HMCN1: variants seen among roughly 807,000 people sequenced by gnomAD.
The protein encoded by HMCN1 is hemicentin-1.
Under a neutral mutation model 625.9 loss-of-function variants are expected in HMCN1, and 321 were observed. That is an observed-to-expected ratio of 0.51 (90% CI 0.47 to 0.56). The LOEUF (loss-of-function observed/expected upper bound fraction) is 0.56. Ranked by LOEUF, HMCN1 falls within the 20% of genes least tolerant of loss-of-function variation. The pLI is 0.00. For synonymous variants in HMCN1, 2,425 were observed against 2,417.6 expected, an observed-to-expected ratio of 1.00 and a Z score of -0.09; for missense variants, 6,588 against 6,887.3, an observed-to-expected ratio of 0.96 and a Z score of 1.54.
chr1:186,003,319 C>T (rs1571697906), intron 28 of HMCN1, among the ~76,000 whole-genome samples: 1 of 152,128 alleles, frequency 6.6e-6, no homozygotes, highest in East Asian at 1.9e-4. Flanking sequence ...TTTCAAGTAG[C>T]ACCACACTAT....
chr1:186,066,057 A>T (rs542930398), intron 49 of HMCN1, among the ~76,000 whole-genome samples: 2 of 152,210 alleles, frequency 1.3e-5, no homozygotes, highest in Non-Finnish European at 2.9e-5. Context: ...GAGTACAAAG[A>T]TACCACCATA....
At chr1:185,859,253 T>C (rs540022003) in intron 2 of HMCN1, among the ~76,000 whole-genome samples, 21 of 152,168 alleles carry the variant, frequency 1.4e-4, no homozygotes, top group Non-Finnish European at 2.6e-4. Flanking sequence ...ATTTTGCCTC[T>C]AATAACTTCT....
At chr1:185,867,318 G>A (rs1164010503) in intron 4 of HMCN1, among the ~76,000 whole-genome samples, 1 of 152,134 alleles carries the variant, frequency 6.6e-6, no homozygotes, top group Non-Finnish European at 1.5e-5. Flanking sequence ...ATGTTTGCAC[G>A]AGAATTTGGG....
Position 186,112,989 on chromosome 1 carries a change from A to G in HMCN1, c.11131+36A>G, listed in dbSNP as rs779682559. 16 of 1,611,152 alleles carry G rather than the reference A, an allele frequency of 9.9e-6. No individual in the cohort carries two copies. The East Asian group carries it at 3.6e-4, about 36-fold the overall frequency. ...GTATTCATTGTTCCACAATTTAAAA[A>G]TCTGACCAAGGGCATTCAAAGAGAT... On this transcript the variant is annotated intron_variant, in intron 72 of 106. Coordinates refer to ENST00000271588, the MANE Select transcript of HMCN1 (RefSeq NM_031935.3).
intron 4 of HMCN1, among the ~76,000 whole-genome samples, chr1:185,887,716 A>G (rs1207710164): frequency 1.4e-5 from 2 of 142,420 alleles, no homozygotes; most frequent in African/African-American, 2.8e-5. Flanking sequence ...ATTGTTGGAC[A>G]TTTGGGTTGG....
intron 95 of HMCN1, among the ~76,000 whole-genome samples, chr1:186,152,221 A>G (rs1407063936): frequency 6.6e-6 from 1 of 152,186 alleles, no homozygotes; most frequent in Non-Finnish European, 1.5e-5. Flanking sequence ...TTCCATGTAC[A>G]TACAGATGTT....
At chr1:185,996,335 T>C (rs183403657) in intron 24 of HMCN1, among the ~76,000 whole-genome samples, 4 of 152,052 alleles carry the variant, frequency 2.6e-5, no homozygotes, top group African/African-American at 9.6e-5. Context: ...GAGAAGAGCA[T>C]GTAATATTTT....
chr1:186,051,089 G>A (rs902600144), intron 42 of HMCN1, among the ~76,000 whole-genome samples: 26 of 151,976 alleles, frequency 1.7e-4, no homozygotes, highest in African/African-American at 6.0e-4. Context: ...GGAGCCTAGT[G>A]TGATGCAAGG....
At chr1:186,086,814 T>TTATA (rs56163388) in intron 58 of HMCN1, among the ~76,000 whole-genome samples, 1 of 73,742 alleles carries the variant, frequency 1.4e-5, no homozygotes, top group South Asian at 3.3e-4. Flanking sequence ...GATAGATAGA[T>TTATA]GATAGATAGA....
chr1:185,848,442 C>T (rs1371757998), intron 2 of HMCN1, among the ~76,000 whole-genome samples: 1 of 152,070 alleles, frequency 6.6e-6, no homozygotes, highest in Non-Finnish European at 1.5e-5. Flanking sequence ...AACTTCATTT[C>T]CTTCCACTTG....
intron 2 of HMCN1, among the ~76,000 whole-genome samples, chr1:185,860,797 C>T (rs2102348604): frequency 6.6e-6 from 1 of 152,202 alleles, no homozygotes; most frequent in South Asian, 2.1e-4. Context: ...AAACTCTTTC[C>T]TTTGATTATT....
chr1:186,044,613 A>C (rs547203686), intron 40 of HMCN1, among the ~76,000 whole-genome samples: 24 of 152,266 alleles, frequency 1.6e-4, no homozygotes, highest in African/African-American at 5.8e-4. Flanking sequence ...TCTTGTTTCT[A>C]CCAGAACATT....
chr1:185,855,849 T>G (rs191981872), intron 2 of HMCN1, among the ~76,000 whole-genome samples: 17 of 152,360 alleles, frequency 1.1e-4, no homozygotes, highest in Admixed American at 8.5e-4. Flanking sequence ...GGATTTCACC[T>G]TCTTTGAGCT....
intron 53 of HMCN1, among the ~76,000 whole-genome samples, chr1:186,075,742 G>C (rs1471057619): frequency 6.6e-6 from 1 of 152,066 alleles, no homozygotes; most frequent in Non-Finnish European, 1.5e-5. Flanking sequence ...TTGAATGTCT[G>C]GGTTGTTTCT....
rs1650143614 is a variant in HMCN1, at chr1:186,144,256, T to C, written c.14008T>C (p.Cys4670Arg). 6.2e-7 allele frequency: 1 copy of C among 1,613,906 alleles called. No individual in the cohort carries two copies. The highest frequency in any genetic ancestry group is 8.5e-7 in the Non-Finnish European group (1 of 1,179,982). Reference protein sequence around the residue: ...GKGTQTRARLCNNPPPAFGGS... With the variant: ...GKGTQTRARLRNNPPPAFGGS... ...AGGTACTCAGACAAGAGCAAGACTTTGTAATAACCCACCACCAGCGTTTGG... is the reference window on the plus strand; with the variant it reads ...AGGTACTCAGACAAGAGCAAGACTTCGTAATAACCCACCACCAGCGTTTGG... Residue 4670 changes from cysteine (C) to arginine (R), a missense_variant, in exon 90 of 107, where the codon TGT becomes CGT. Physicochemically the swap from Cys to Arg is radical, Grantham distance 180. Transcript: ENST00000271588.
At chr1:186,154,561 T>C (rs1650876250) in intron 97 of HMCN1, among the ~76,000 whole-genome samples, 3 of 152,234 alleles carry the variant, frequency 2.0e-5, no homozygotes, top group Admixed American at 1.3e-4. Context: ...CAAATGCTTT[T>C]TATTCAAATA....
At chr1:185,892,319 T>G (rs2102414398) in intron 4 of HMCN1, among the ~76,000 whole-genome samples, 1 of 152,152 alleles carries the variant, frequency 6.6e-6, no homozygotes, top group Non-Finnish European at 1.5e-5. Context: ...CTCATCAAAG[T>G]CATTCTCCGT....
At chr1:186,148,646 T>G (rs1650478993) in intron 93 of HMCN1, among the ~76,000 whole-genome samples, 1 of 152,132 alleles carries the variant, frequency 6.6e-6, no homozygotes, top group Admixed American at 6.6e-5. Flanking sequence ...TGATTACAAG[T>G]GCCCACCACC....
chr1:185,772,072 A>G (rs1656278069), intron 1 of HMCN1, among the ~76,000 whole-genome samples: 1 of 152,182 alleles, frequency 6.6e-6, no homozygotes, highest in Non-Finnish European at 1.5e-5. Context: ...TTACCAATGT[A>G]TGAAATGGCA....
Sources: gnomAD v4.1 joint callset for allele counts (sites outside exome capture counted in the v4.1 genomes callset) on GRCh38, gnomAD v4.1.1 for gene constraint, MANE v1.5 for transcripts, NCBI Gene and HGNC (gene_info 2026-07-23, HGNC 2026-07-21) for gene names.